Variants in MYO7B observed in about 807,000 individuals in gnomAD.
The protein encoded by MYO7B is unconventional myosin-VIIb.
Under a neutral mutation model 259.7 loss-of-function variants are expected in MYO7B, and 212 were observed. The observed-to-expected ratio is 0.82, with a 90% confidence interval of 0.73 to 0.91. The LOEUF (loss-of-function observed/expected upper bound fraction) is 0.91, where lower values mean the gene tolerates loss of function less well. MYO7B is among the 40% of genes least tolerant of loss of function. The probability of loss-of-function intolerance (pLI) is 0.00; values close to 1 mark genes in which losing one functional copy is unlikely to be tolerated. For synonymous variants in MYO7B, 1,197 were observed against 1,166.4 expected (o/e 1.03, Z -0.54); for missense variants, 2,732 against 2,813.5 (o/e 0.97, Z 0.66).
At position 127,627,353 on chromosome 2, in the gene MYO7B, T is replaced by C. The variant is rs376199637; in HGVS notation, c.4460+43T>C. 72 of 1,603,874 alleles carry C rather than the reference T, an allele frequency of 4.5e-5. No homozygotes were observed. In the African/African-American group the frequency reaches 9.1e-4, roughly 20 times the overall value. ...AGATCTCTTCTTACACACTGAGTCC[T>C]TGTGATGCATCTGGGGGCTCGGGGA... On this transcript the variant is annotated intron_variant, in intron 33 of 47. Coordinates refer to ENST00000409816, the MANE Select transcript of MYO7B (RefSeq NM_001393586.1). This position sits in a 1 kb window ranked among gnomAD's most constrained non-coding sequence, Gnocchi z 5.6.
chr2:127,608,922 G>C, intron 22 of MYO7B, 44 bp downstream of exon 22: 1 of 1,580,264 alleles, frequency 6.3e-7, no homozygotes, highest in Non-Finnish European at 8.6e-7. Flanking sequence ...GGTGGGGACA[G>C]GGAAGCCTGC....
intron 40 of MYO7B, 39 bp downstream of exon 40, chr2:127,633,402 C>T (rs1370941829): frequency 5.0e-6 from 8 of 1,592,262 alleles, no homozygotes; most frequent in South Asian, 1.1e-5. Flanking sequence ...AGTCTCAGGC[C>T]TCCAGAGGCC....
intron 26 of MYO7B, among the ~76,000 whole-genome samples, chr2:127,616,655 T>G (rs1486007589): frequency 2.0e-5 from 3 of 152,234 alleles, no homozygotes; most frequent in African/African-American, 4.8e-5. Flanking sequence ...CCAGTTAACG[T>G]AACGCACTCC....
chr2:127,571,784 G>A (rs1678641385), intron 6 of MYO7B, among the ~76,000 whole-genome samples: 1 of 152,094 alleles, frequency 6.6e-6, no homozygotes, highest in Admixed American at 6.6e-5. Flanking sequence ...CTGGCCATTA[G>A]TGAGTTTTAA....
intron 1 of MYO7B, among the ~76,000 whole-genome samples, chr2:127,548,419 C>CT (rs796457298): frequency 0.064 from 8,761 of 136,572 alleles, 952 homozygotes; most frequent in African/African-American, 0.22. Context: ...TTAGATTTTT[C>CT]TTTTTTTTTT....
intron 1 of MYO7B, among the ~76,000 whole-genome samples, chr2:127,549,543 T>G (rs1693369356): frequency 6.6e-6 from 1 of 152,228 alleles, no homozygotes; most frequent in African/African-American, 2.4e-5. Flanking sequence ...CATTTGGCTG[T>G]GAAGAATAGA....
At chr2:127,630,635 CAG>C (rs1432059726) in intron 35 of MYO7B, 141 bp from the exon 36 acceptor site, 14 of 1,133,684 alleles carry the variant, frequency 1.2e-5, no homozygotes, top group Middle Eastern at 3.0e-4. Flanking sequence ...CGGCAGGTGA[CAG>C]GGGTGTGGGT....
intron 21 of MYO7B, among the ~76,000 whole-genome samples, chr2:127,608,022 G>A (rs555373701): frequency 2.0e-5 from 3 of 152,298 alleles, no homozygotes; most frequent in Admixed American, 6.5e-5. Context: ...GTGTCTGGGG[G>A]GCTGGGAGGA....
At chr2:127,566,171 G>A (rs1378203738) in intron 4 of MYO7B, among the ~76,000 whole-genome samples, 28 of 152,206 alleles carry the variant, frequency 1.8e-4, no homozygotes, top group Admixed American at 1.7e-3. Flanking sequence ...TCTGCCTGCC[G>A]CACCCCCTGA....
At chr2:127,594,459 C>T (rs186737921) in intron 18 of MYO7B, among the ~76,000 whole-genome samples, 110 of 152,294 alleles carry the variant, frequency 7.2e-4, no homozygotes, top group African/African-American at 2.4e-3. Flanking sequence ...CCCCAGCCCT[C>T]GAGTCGGTCT....
rs372645623 is a variant in MYO7B at position 127,596,283 on chromosome 2, G to A, written c.2245-179G>A. On this transcript the variant is annotated intron_variant, in intron 18 of 47. Transcript: ENST00000409816. ...GGAAGTTCTTGGATTGGGGTGGGAG[G>A]TATAGTTGCAGCTCCTGTCTCTGAG... is the stretch of plus-strand genomic sequence containing the variant. Among the ~76,000 whole-genome samples the A allele has an allele frequency of 7.1e-4, 108 of 152,188 alleles. 1 individual carries two copies. The highest frequency in any genetic ancestry group is 2.4e-3 in the African/African-American group (101 of 41,450).
At chr2:127,562,538 T>G (rs1036912601) in intron 2 of MYO7B, among the ~76,000 whole-genome samples, 2 of 147,846 alleles carry the variant, frequency 1.4e-5, no homozygotes, top group African/African-American at 4.9e-5. Context: ...GCCCATGCTG[T>G]TGTGCAGTGG....
At chr2:127,625,801 T>C (rs1375360808) in intron 31 of MYO7B, among the ~76,000 whole-genome samples, 1 of 152,184 alleles carries the variant, frequency 6.6e-6, no homozygotes, top group Non-Finnish European at 1.5e-5. Flanking sequence ...TGCACTGTGG[T>C]GTCTGGCCAG....
At position 127,615,008 on chromosome 2, in the gene MYO7B, C is replaced by T. The variant is rs1414387839; in HGVS notation, c.3398+2405C>T. 6.6e-6 allele frequency among the ~76,000 whole-genome samples: 1 copy of T among 152,214 alleles called. No homozygotes were observed. The highest frequency in any genetic ancestry group is 2.4e-5 in the African/African-American group (1 of 41,458). ...TCATTACCCACTCTGGGTCAGGCCC[C>T]AGCCTGAGGGCCAGGGACAGAGATG... On this transcript the variant is annotated intron_variant, in intron 26 of 47. Coordinates refer to ENST00000409816, the MANE Select transcript of MYO7B (RefSeq NM_001393586.1). The surrounding 1 kb of genome is among the most constrained non-coding windows in gnomAD (Gnocchi z 4.4).
At position 127,627,354 on chromosome 2, in the gene MYO7B, T is replaced by C; in HGVS notation, c.4460+44T>C. 6.3e-7 allele frequency: 1 copy of C among 1,598,828 alleles called. No homozygotes were observed. The highest frequency in any genetic ancestry group is 1.1e-5 in the South Asian group (1 of 90,048). On this transcript the variant is annotated intron_variant, in intron 33 of 47. Transcript: ENST00000409816. This position sits in a 1 kb window ranked among gnomAD's most constrained non-coding sequence, Gnocchi z 5.6. The stretch of plus-strand genomic sequence containing the variant: ...GATCTCTTCTTACACACTGAGTCCT[T>C]GTGATGCATCTGGGGGCTCGGGGAG...
chr2:127,536,695 C>G (rs1006928472), intron 1 of MYO7B, among the ~76,000 whole-genome samples: 1 of 152,224 alleles, frequency 6.6e-6, no homozygotes, highest in South Asian at 2.1e-4. Context: ...CCCCTTCAGG[C>G]TCCACTTTGT....
Position 127,573,981 on chromosome 2 carries a change from C to A in MYO7B, c.654C>A (p.Asp218Glu). 1 of 1,614,068 alleles carries A rather than the reference C, an allele frequency of 6.2e-7. No homozygotes were observed. The highest frequency in any genetic ancestry group is 8.5e-7 in the Non-Finnish European group (1 of 1,179,896). Residue 218 changes from aspartate to glutamate, a missense_variant, in exon 7 of 48, where the codon GAC becomes GAA. By Grantham distance (45) the Asp-to-Glu change is conservative. Around this residue, in one of 3 missense-constraint regions of MYO7B, gnomAD observed 1,906 missense variants for 2,026.4 expected, o/e 0.94. Coordinates refer to ENST00000409816, the MANE Select transcript of MYO7B (RefSeq NM_001393586.1). ...DNSSRFGKYI[D>E]IYFNPSGVIE... ...CAAGCCGCTTTGGGAAGTACATTGA[C>A]ATCTACTTTAACCCCAGCGGGGTGA... is the stretch of plus-strand genomic sequence containing the variant.
At position 127,637,636 on chromosome 2, in the gene MYO7B, C is replaced by G; in HGVS notation, c.*219C>G. 1 of 454,814 alleles carries G rather than the reference C, an allele frequency of 2.2e-6. No individual in the cohort carries two copies. Among genetic ancestry groups the G allele is most frequent in the East Asian group, 3.2e-5 (1 of 30,986 alleles). The allele number at this position is 454,814 out of a possible 1,614,324, so 28.2% of individuals were successfully genotyped here. On this transcript the variant is annotated 3_prime_UTR_variant, in exon 48 of 48. Coordinates refer to ENST00000409816, the MANE Select transcript of MYO7B (RefSeq NM_001393586.1). ...AGAATGGGGTCGGGAGTCTCGGACC[C>G]CCAGGCTATTGGTGGATGACTGACT...
chr2:127,583,162 C>T (rs1021665158), intron 12 of MYO7B, among the ~76,000 whole-genome samples: 2 of 152,178 alleles, frequency 1.3e-5, no homozygotes, highest in South Asian at 2.1e-4. Context: ...GGACAGAGAC[C>T]GGACCACTGG....
Sources: allele counts gnomAD v4.1 joint callset (sites outside exome capture counted in the v4.1 genomes callset), GRCh38; gene constraint gnomAD v4.1.1; regional missense constraint gnomAD v4.1.1; non-coding constraint Gnocchi (gnomAD v3.1); transcripts MANE v1.5; gene names NCBI Gene and HGNC (gene_info 2026-07-23, HGNC 2026-07-21).